Variants in CSMD1 observed in about 807,000 individuals in gnomAD.
CSMD1 encodes CUB and Sushi multiple domains 1.
Under a neutral mutation model 417.5 loss-of-function variants are expected in CSMD1, and 213 were observed. That is an observed-to-expected ratio of 0.51 (90% CI 0.46 to 0.57). The LOEUF (loss-of-function observed/expected upper bound fraction) is 0.57, where lower values mean the gene tolerates loss of function less well. Ranked by LOEUF, CSMD1 falls within the 20% of genes least tolerant of loss-of-function variation. The pLI is 0.00. For missense variants in CSMD1, 6,923 were observed against 4,529.7 expected (o/e 1.53, Z -15.17); for synonymous variants, 2,862 against 1,736.8 (o/e 1.65, Z -16.11).
At chr8:4,784,814 T>C (rs1283804290) in intron 1 of CSMD1, among the ~76,000 whole-genome samples, 2 of 152,170 alleles carry the variant, frequency 1.3e-5, no homozygotes, top group Non-Finnish European at 2.9e-5. Flanking sequence ...CAGCAAAGCA[T>C]TGTGGGTTGG....
intron 5 of CSMD1, among the ~76,000 whole-genome samples, chr8:3,953,499 G>A (rs1010885937): frequency 5.3e-5 from 8 of 152,086 alleles, no homozygotes; most frequent in African/African-American, 1.7e-4. Flanking sequence ...TGAGTTTGGG[G>A]GTTTCACTGG....
chr8:4,570,931 G>A (rs781129545), intron 2 of CSMD1, among the ~76,000 whole-genome samples: 3 of 152,162 alleles, frequency 2.0e-5, no homozygotes, highest in Non-Finnish European at 4.4e-5. Context: ...TATTTGTATA[G>A]AGGTATTTAT....
intron 18 of CSMD1, among the ~76,000 whole-genome samples, chr8:3,376,115 G>A (rs1464244406): frequency 6.6e-6 from 1 of 152,092 alleles, no homozygotes; most frequent in Non-Finnish European, 1.5e-5. Context: ...ACTTCTGTGT[G>A]ATTGCAAATA....
chr8:3,997,190 A>G (rs550457563), intron 5 of CSMD1, among the ~76,000 whole-genome samples: 51 of 152,216 alleles, frequency 3.4e-4, no homozygotes, highest in Non-Finnish European at 6.2e-4. Context: ...TTAATTCAAG[A>G]TAGAAATTAA....
chr8:3,933,065 AT>A (rs1810263572), intron 5 of CSMD1, among the ~76,000 whole-genome samples: 1 of 52,934 alleles, frequency 1.9e-5, no homozygotes, highest in Non-Finnish European at 4.0e-5. Context: ...AAATTATCTC[AT>A]TAAAAAAAAA....
chr8:4,605,762 A>G (rs1297289305), intron 2 of CSMD1, among the ~76,000 whole-genome samples: 1 of 152,196 alleles, frequency 6.6e-6, no homozygotes, highest in Admixed American at 6.5e-5. Flanking sequence ...GAATCAATTT[A>G]CGCTGCCATT....
chr8:4,951,768 C>A (rs1486642301), intron 1 of CSMD1, among the ~76,000 whole-genome samples: 1 of 151,684 alleles, frequency 6.6e-6, no homozygotes, highest in Non-Finnish European at 1.5e-5. Flanking sequence ...CACCCCCTAC[C>A]TTTCCTTAAT....
At chr8:3,634,169 G>A (rs1226624705) in intron 7 of CSMD1, among the ~76,000 whole-genome samples, 2 of 151,426 alleles carry the variant, frequency 1.3e-5, no homozygotes, top group African/African-American at 4.8e-5. Flanking sequence ...CCTAGCTTAT[G>A]AGAGTGTCTT....
intron 1 of CSMD1, among the ~76,000 whole-genome samples, chr8:4,750,076 G>A (rs1159444863): frequency 6.6e-6 from 1 of 152,036 alleles, no homozygotes; most frequent in Non-Finnish European, 1.5e-5. Flanking sequence ...GGCGATCTCG[G>A]CTCACCGCAA....
chr8:3,690,263 G>T (rs776221419), intron 7 of CSMD1, among the ~76,000 whole-genome samples: 3 of 152,222 alleles, frequency 2.0e-5, no homozygotes, highest in Non-Finnish European at 4.4e-5. Flanking sequence ...GGAGGAGGCT[G>T]AGTCAGAAGG....
Position 4,338,893 on chromosome 8 carries a change from G to C in CSMD1, c.415+81060C>G, listed in dbSNP as rs148663210. On this transcript the variant is annotated intron_variant, in intron 3 of 69. Coordinates refer to ENST00000635120, the MANE Select transcript of CSMD1 (RefSeq NM_033225.6). ...AGGTTTAGAAGAGAACCTTTTACTA[G>C]AACTGACAACAGAGGCATGATAAAT... Among the ~76,000 whole-genome samples the C allele has an allele frequency of 4.6e-3, 701 of 152,168 alleles. 5 individuals carry two copies. The highest frequency in any genetic ancestry group is 0.01 in the Middle Eastern group (3 of 294).
rs142066809 is a variant in CSMD1 at position 3,073,961 on chromosome 8, C to T, written c.7474+13136G>A. ...ACATAAATTATTCCACACATAGAGG[C>T]CCAAAACAGCACACATTTATTCCAA... On this transcript the variant is annotated intron_variant, in intron 49 of 69. Coordinates refer to ENST00000635120, the MANE Select transcript of CSMD1 (RefSeq NM_033225.6). Among the ~76,000 whole-genome samples, 748 of 152,268 alleles carry T rather than the reference C, an allele frequency of 4.9e-3. 4 individuals are homozygous for T. The highest frequency in any genetic ancestry group is 0.017 in the African/African-American group (696 of 41,534).
intron 10 of CSMD1, among the ~76,000 whole-genome samples, chr8:3,555,042 T>C (rs1450209497): frequency 1.3e-5 from 2 of 152,008 alleles, no homozygotes; most frequent in Non-Finnish European, 2.9e-5. Flanking sequence ...TGAGGAGTCC[T>C]CCGCCAGGGA....
intron 5 of CSMD1, among the ~76,000 whole-genome samples, chr8:3,849,847 G>T (rs146415875): frequency 6.7e-6 from 1 of 150,300 alleles, no homozygotes; most frequent in South Asian, 2.1e-4. Flanking sequence ...ATGGAGTCTC[G>T]CTCTGTCGCC....
intron 38 of CSMD1, among the ~76,000 whole-genome samples, chr8:3,158,734 G>A (rs1819694267): frequency 6.6e-6 from 1 of 151,948 alleles, no homozygotes. Flanking sequence ...AGACCTCTGT[G>A]TGCGGCCTAT....
chr8:3,174,839 G>C (rs975036115), intron 37 of CSMD1, among the ~76,000 whole-genome samples: 1 of 151,504 alleles, frequency 6.6e-6, no homozygotes. Context: ...TTTTTATGTT[G>C]CATCAAACAC....
intron 1 of CSMD1, chr8:4,787,545 C>T (rs895751172): frequency 3.6e-6 from 5 of 1,406,064 alleles, no homozygotes; most frequent in Admixed American, 3.6e-5. Context: ...ACTGCCTTCA[C>T]CAGAAAATGT....
At chr8:4,541,311 T>A (rs559590718) in intron 2 of CSMD1, among the ~76,000 whole-genome samples, 1 of 152,194 alleles carries the variant, frequency 6.6e-6, no homozygotes, top group African/African-American at 2.4e-5. Context: ...ACTACCCCCA[T>A]GCAGTTCTTA....
At chr8:4,063,555 C>T (rs868756613) in intron 3 of CSMD1, among the ~76,000 whole-genome samples, 1 of 152,110 alleles carries the variant, frequency 6.6e-6, no homozygotes, top group Non-Finnish European at 1.5e-5. Context: ...TCCTTAAGAA[C>T]CAGCCATTAA....
Sources: allele counts gnomAD v4.1 joint callset (sites outside exome capture counted in the v4.1 genomes callset), GRCh38; gene constraint gnomAD v4.1.1; transcripts MANE v1.5; gene names NCBI Gene and HGNC (gene_info 2026-07-23, HGNC 2026-07-21).